EXPH5: variants seen among roughly 807,000 people sequenced by gnomAD.
EXPH5 encodes exophilin-5.
EXPH5 carries 42 observed loss-of-function variants against 41.1 expected under a neutral mutation model. That is an observed-to-expected ratio of 1.02 (90% confidence interval 0.80 to 1.32). The LOEUF (loss-of-function observed/expected upper bound fraction) is 1.32, where lower values mean the gene tolerates loss of function less well. EXPH5 is among the 40% of genes most tolerant of loss of function. EXPH5 has a pLI of 0.00. For missense variants in EXPH5, 2,298 were observed against 2,314.5 expected (o/e 0.99, Z 0.15); for synonymous variants, 798 against 833.5 (o/e 0.96, Z 0.73).
intron 1 of EXPH5, among the ~76,000 whole-genome samples, chr11:108,554,728 C>T: frequency 6.6e-6 from 1 of 152,122 alleles, no homozygotes; most frequent in Non-Finnish European, 1.5e-5. Flanking sequence ...TTGAGACTGG[C>T]TTGGCCAACA....
chr11:108,532,254 T>C (rs1350487779), intron 3 of EXPH5, among the ~76,000 whole-genome samples: 1 of 144,196 alleles, frequency 6.9e-6, no homozygotes, highest in African/African-American at 2.6e-5. Context: ...CATGGCTCAC[T>C]GCAGCCTCTA....
rs2093677207 is a variant in EXPH5, at chr11:108,511,083, C to A, written c.4424G>T (p.Gly1475Val). ...TTCCCTAGGCTGTGATCCACTGGAG[C>A]CATCACCTACAGCTGTGGATGTGTG... is the stretch of plus-strand genomic sequence containing the variant. Reference protein sequence around the residue: ...KDHTSTAVGDGSSGSQPREGR... With the variant: ...KDHTSTAVGDVSSGSQPREGR... Residue 1475 changes from glycine to valine, a missense_variant, in exon 6 of 6, where the codon GGC (glycine) becomes GTC (valine). By Grantham distance (109) the Gly-to-Val change is moderately radical (BLOSUM62 -3). Coordinates refer to ENST00000265843, the MANE Select transcript of EXPH5 (RefSeq NM_015065.3). 3.7e-6 allele frequency: 6 copies of A among 1,613,996 alleles called. No homozygotes were observed. In the South Asian group the frequency reaches 6.6e-5, roughly 18 times the overall value.
At chr11:108,595,406 G>T (rs1455390404), upstream of EXPH5, among the ~76,000 whole-genome samples, 6 of 152,230 alleles carry the variant, frequency 3.9e-5, no homozygotes, top group Non-Finnish European at 8.8e-5. Flanking sequence ...GAAATAGGGG[G>T]TGGTGGGAGG....
chr11:108,510,911 A>T lies in EXPH5; in HGVS notation c.4596T>A (p.Ser1532Arg), dbSNP rs1254603026. Reference sequence around the variant, plus strand: ...GTAATTCTCTTGGTTCAGACTGCAGACTCTCTAAGTTTGGTTCATCTGACT... The same window carrying T: ...GTAATTCTCTTGGTTCAGACTGCAGTCTCTCTAAGTTTGGTTCATCTGACT... ...ETQSDEPNLESLQSEPRELPQ... is the reference protein window; with the variant it reads ...ETQSDEPNLERLQSEPRELPQ... The change falls in exon 6 of 6, where the codon AGT becomes AGA. Residue 1532 changes from serine to arginine, a missense_variant. Coordinates refer to ENST00000265843, the MANE Select transcript of EXPH5 (RefSeq NM_015065.3). The T allele has an allele frequency of 6.2e-7, 1 of 1,613,928 alleles. No homozygotes were observed. The highest frequency in any genetic ancestry group is 1.1e-5 in the South Asian group (1 of 91,066).
At chr11:108,554,489 T>A (rs1477150256) in intron 1 of EXPH5, among the ~76,000 whole-genome samples, 4 of 152,208 alleles carry the variant, frequency 2.6e-5, no homozygotes, top group African/African-American at 9.6e-5. Context: ...ATGTAATGCA[T>A]GTTCCTGGAA....
At chr11:108,552,762 A>G (rs2093972755) in intron 1 of EXPH5, among the ~76,000 whole-genome samples, 1 of 152,154 alleles carries the variant, frequency 6.6e-6, no homozygotes, top group Non-Finnish European at 1.5e-5. Flanking sequence ...AACCCCAAAC[A>G]AACAAAACTA....
chr11:108,552,663 C>A (rs2093972108), intron 1 of EXPH5, among the ~76,000 whole-genome samples: 1 of 152,164 alleles, frequency 6.6e-6, no homozygotes, highest in Admixed American at 6.5e-5. Context: ...TGTCTGTAAT[C>A]CCAGAGCCTT....
chr11:108,511,984 A>G lies in EXPH5; in HGVS notation c.3523T>C (p.Leu1175=), dbSNP rs763852385. Residue 1175 remains leucine (L), a synonymous_variant, in exon 6 of 6, where the codon TTA becomes CTA. Coordinates refer to ENST00000265843, the MANE Select transcript of EXPH5 (RefSeq NM_015065.3). The stretch of plus-strand genomic sequence containing the variant: ...TCCTTTTGGTGTTGTCTTTTGGTTA[A>G]AGAACAATCTCTAACAGATGAGTCA... ...ESDSSVRDCS[L]TKRQHQKENF... 7 of 1,596,570 alleles carry G rather than the reference A, an allele frequency of 4.4e-6. No individual in the cohort carries two copies. The East Asian group carries it at 1.3e-4, about 31-fold the overall frequency.
At chr11:108,605,828 G>A in the EXPH5 span, among the ~76,000 whole-genome samples, 1 of 152,338 alleles carries the variant, frequency 6.6e-6, no homozygotes, top group East Asian at 1.9e-4. Context: ...AGCAGCAGAG[G>A]CAGGACTGCA....
intron 1 of EXPH5, among the ~76,000 whole-genome samples, chr11:108,587,005 A>C (rs368836751): frequency 5.3e-5 from 8 of 152,196 alleles, no homozygotes; most frequent in Non-Finnish European, 7.4e-5. Context: ...GAAGGAGAGA[A>C]TCCACCCACG....
chr11:108,549,068 C>A (rs2093952027), intron 1 of EXPH5, among the ~76,000 whole-genome samples: 1 of 152,206 alleles, frequency 6.6e-6, no homozygotes, highest in Admixed American at 6.5e-5. Context: ...ATGTACCATC[C>A]ACTTTATGCC....
chr11:108,600,122 T>G, the EXPH5 span, among the ~76,000 whole-genome samples: 5 of 151,988 alleles, frequency 3.3e-5, no homozygotes, highest in Non-Finnish European at 5.9e-5. Context: ...GTACAGAGAG[T>G]GGAAGAAAAT....
chr11:108,566,505 G>A (rs902804052), intron 1 of EXPH5, among the ~76,000 whole-genome samples: 70 of 152,086 alleles, frequency 4.6e-4, no homozygotes, highest in African/African-American at 1.6e-3. Flanking sequence ...AAATGATGAG[G>A]TTGATTATTA....
chr11:108,607,130 TA>T, the EXPH5 span, among the ~76,000 whole-genome samples: 7 of 152,162 alleles, frequency 4.6e-5, no homozygotes, highest in African/African-American at 1.7e-4. Context: ...AAAATATCAC[TA>T]GCTAACATAT....
the EXPH5 span, among the ~76,000 whole-genome samples, chr11:108,602,692 G>A: frequency 2.6e-5 from 4 of 152,136 alleles, no homozygotes; most frequent in Admixed American, 6.5e-5. Context: ...GACTACTGGC[G>A]TGAGCCATCA....
At chr11:108,565,468 C>T (rs141050270) in intron 1 of EXPH5, among the ~76,000 whole-genome samples, 18 of 152,260 alleles carry the variant, frequency 1.2e-4, no homozygotes, top group Middle Eastern at 3.4e-3. Context: ...TTGTTTGCTT[C>T]CTATTGCTCT....
chr11:108,559,299 T>C (rs568695192), intron 1 of EXPH5, among the ~76,000 whole-genome samples: 19 of 152,346 alleles, frequency 1.2e-4, no homozygotes, highest in African/African-American at 3.6e-4. Flanking sequence ...TTATTCCCCT[T>C]TATACAGATG....
rs565800352 is a variant in EXPH5 at position 108,510,916 on chromosome 11, C to T, written c.4591G>A (p.Glu1531Lys). Residue 1531 changes from glutamate to lysine, a missense_variant, in exon 6 of 6, where the codon GAG becomes AAG. Transcript: ENST00000265843. ...EETQSDEPNL[E>K]SLQSEPRELP... ...TCTCTTGGTTCAGACTGCAGACTCT[C>T]TAAGTTTGGTTCATCTGACTGAGTC... 3.7e-6 allele frequency: 6 copies of T among 1,614,038 alleles called. No homozygotes were observed. The African/African-American group carries it at 8.0e-5, about 22-fold the overall frequency.
Position 108,538,458 on chromosome 11 carries a change from A to T in EXPH5, c.443+566T>A, listed in dbSNP as rs985776162. Among the ~76,000 whole-genome samples the T allele has an allele frequency of 4.6e-5, 7 of 152,218 alleles. No homozygotes were observed. The East Asian group carries it at 1.3e-3, about 29-fold the overall frequency. On this transcript the variant is annotated intron_variant, in intron 3 of 5. Transcript: ENST00000265843. The stretch of plus-strand genomic sequence containing the variant: ...GGAACTAAGTTTCCACTGCTCCTAA[A>T]GCTTCTCCTCCCTCACCTTATACAT...
Sources: gnomAD v4.1 joint callset for allele counts (sites outside exome capture counted in the v4.1 genomes callset) on GRCh38, gnomAD v4.1.1 for gene constraint, MANE v1.5 for transcripts, NCBI Gene and HGNC (gene_info 2026-07-23, HGNC 2026-07-21) for gene names.